The following TGIF1 variants were observed in gnomAD, a reference collection of about 807,000 sequenced individuals.
The protein encoded by TGIF1 is homeobox protein TGIF1.
TGIF1 carries 4 observed loss-of-function variants against 19.3 expected under a neutral mutation model. That is an observed-to-expected ratio of 0.21 (90% CI 0.10 to 0.47). The LOEUF (loss-of-function observed/expected upper bound fraction) is 0.47, where lower values mean the gene tolerates loss of function less well. Among genes scored for constraint, TGIF1 ranks in the 20% least tolerant of loss-of-function variants. The pLI, the probability that TGIF1 is intolerant of heterozygous loss-of-function variation, is 0.98. For missense variants in TGIF1, 275 were observed against 341.4 expected, an observed-to-expected ratio of 0.81 and a Z score of 1.53; for synonymous variants, 122 against 129.3, an observed-to-expected ratio of 0.94 and a Z score of 0.38.
chr18:3,447,671 C>A, upstream of TGIF1: 1 of 1,583,562 alleles, frequency 6.3e-7, no homozygotes, highest in Non-Finnish European at 8.7e-7. Flanking sequence ...TGTAAGCTTT[C>A]GCTACATCAC....
intron 2 of TGIF1, among the ~76,000 whole-genome samples, chr18:3,419,929 C>T (rs4797116): frequency 0.64 from 96,972 of 151,710 alleles, 33,547 homozygotes; most frequent in Non-Finnish European, 0.76. Context: ...TCACTTGAAC[C>T]CGGGAGGCAG....
In TGIF1 at chr18:3,454,619, C is replaced by T. The variant is rs560262437; in HGVS notation, c.17-1735C>T. ...AAATTTCAATATAGGTTTTGAAAGT[C>T]TCATCTTGCCAATAGTGAAAGTAGT... On this transcript the variant is annotated intron_variant, in intron 1 of 2. Coordinates refer to ENST00000343820, the MANE Select transcript of TGIF1 (RefSeq NM_003244.4). Among the ~76,000 whole-genome samples, 3 of 152,248 alleles carry T rather than the reference C, an allele frequency of 2.0e-5. No homozygotes were observed. The East Asian group carries it at 5.8e-4, about 29-fold the overall frequency.
At chr18:3,426,105 G>A (rs1036595640) in intron 2 of TGIF1, among the ~76,000 whole-genome samples, 9 of 150,784 alleles carry the variant, frequency 6.0e-5, no homozygotes, top group African/African-American at 9.8e-5. Flanking sequence ...CCCCAACTTC[G>A]AATTTCCTGA....
intron 2 of TGIF1, among the ~76,000 whole-genome samples, chr18:3,419,650 G>A (rs2082375417): frequency 6.6e-6 from 1 of 152,148 alleles, no homozygotes; most frequent in South Asian, 2.1e-4. Flanking sequence ...TCCATCACTG[G>A]ACTACCCTTG....
At chr18:3,452,261 C>G in intron 1 of TGIF1, 1 of 1,609,528 alleles carries the variant, frequency 6.2e-7, no homozygotes, top group Non-Finnish European at 8.5e-7. Context: ...CGCGTGCCCT[C>G]TCCCCGGAGC....
intron 2 of TGIF1, among the ~76,000 whole-genome samples, chr18:3,424,151 AC>A (rs767868504): frequency 3.9e-5 from 6 of 152,222 alleles, no homozygotes; most frequent in Non-Finnish European, 8.8e-5. Flanking sequence ...ATGATCAAGT[AC>A]ATATCTCATT....
rs934899335 is a variant in TGIF1 at position 3,451,659 on chromosome 18, C to T, written c.16+1154C>T. The T allele has an allele frequency of 4.3e-6, 5 of 1,151,832 alleles. No homozygotes were observed. The highest frequency in any genetic ancestry group is 8.4e-5 in the East Asian group (2 of 23,776). 71.4% of individuals were successfully genotyped at this position (1,151,832 alleles called of 1,614,324 possible). ...GGTAGCCTCAAGGCCAGCGGGGTTC[C>T]TTCGGCTGCGTTTCTGTGGGAGGCC... On this transcript the variant is annotated intron_variant, in intron 1 of 2. Transcript: ENST00000343820. The surrounding 1 kb of genome is among the most constrained non-coding windows in gnomAD (Gnocchi z 5.4).
At chr18:3,430,148 G>T (rs1464681841) in intron 2 of TGIF1, among the ~76,000 whole-genome samples, 1 of 152,090 alleles carries the variant, frequency 6.6e-6, no homozygotes, top group African/African-American at 2.4e-5. Context: ...GAGTAAGACT[G>T]TCTCAACAAA....
intron 1 of TGIF1, chr18:3,455,929 G>A: frequency 3.6e-6 from 1 of 277,684 alleles, no homozygotes; most frequent in Non-Finnish European, 7.1e-6. Context: ...CATTAGGACT[G>A]GTTAGGTTGC....
chr18:3,449,889 G>A (rs1284032268), upstream of TGIF1: 6 of 985,728 alleles, frequency 6.1e-6, no homozygotes, highest in Non-Finnish European at 7.2e-6. Flanking sequence ...AAAGGCCCAA[G>A]GGAGAAACCT....
intron 1 of TGIF1, chr18:3,452,523 G>C: frequency 7.8e-7 from 1 of 1,283,250 alleles, no homozygotes; most frequent in Non-Finnish European, 1.1e-6. Context: ...GAGAAGGTGG[G>C]ATTCACGGCC....
Position 3,457,353 on chromosome 18 carries a change from A to G in TGIF1, c.244-12A>G, listed in dbSNP as rs757885266. The G allele has an allele frequency of 6.0e-5, 97 of 1,614,016 alleles. No individual in the cohort carries two copies. Among genetic ancestry groups the G allele is most frequent in the Non-Finnish European group, 7.3e-5 (86 of 1,179,980 alleles). ...ATGAGGAAAATGTTAAAGCGTACCG[A>G]TATGATTTCAGGTCTGTAACTGGTT... is the stretch of plus-strand genomic sequence containing the variant. On this transcript the variant is annotated splice_polypyrimidine_tract_variant and intron_variant, in intron 2 of 2. Transcript: ENST00000343820. The surrounding 1 kb of genome is among the most constrained non-coding windows in gnomAD (Gnocchi z 4.9).
Position 3,451,443 on chromosome 18 carries a change from G to GT in TGIF1, c.16+939dup. 3 of 986,980 alleles carry GT rather than the reference G, an allele frequency of 3.0e-6. No individual in the cohort carries two copies. The Middle Eastern group carries it at 1.6e-3, about 515-fold the overall frequency. The allele number at this position is 986,980 out of a possible 1,614,324, so 61.1% of individuals were successfully genotyped here. A position where few individuals can be genotyped will look rare whatever the true frequency, so the allele number is the denominator to read the frequency against. ...CAAAAATTGAGTCCCTGGCTGGGAG[G>GT]TCCCCCGAGTGTTCCGCTGTGGGCT... On this transcript the variant is annotated intron_variant, in intron 1 of 2. Coordinates refer to ENST00000343820, the MANE Select transcript of TGIF1 (RefSeq NM_003244.4). The surrounding 1 kb of genome is among the most constrained non-coding windows in gnomAD (Gnocchi z 5.4).
At chr18:3,416,313 A>T (rs1238669742) in intron 1 of TGIF1, among the ~76,000 whole-genome samples, 3 of 151,756 alleles carry the variant, frequency 2.0e-5, no homozygotes, top group Non-Finnish European at 4.4e-5. Context: ...TGAGGTCAGG[A>T]GTTTGAGACC....
chr18:3,436,330 A>G (rs1202443058), intron 2 of TGIF1, among the ~76,000 whole-genome samples: 1 of 152,252 alleles, frequency 6.6e-6, no homozygotes, highest in Non-Finnish European at 1.5e-5. Context: ...CCATAATCCC[A>G]CAACTTGGGC....
upstream of TGIF1, chr18:3,448,130 A>T (rs1255795281): frequency 3.4e-5 from 33 of 984,738 alleles, no homozygotes; most frequent in Non-Finnish European, 3.9e-5. Context: ...TGGCTTCGAA[A>T]GCGGCCGAGG....
At chr18:3,445,568 C>G (rs2082730199), upstream of TGIF1, among the ~76,000 whole-genome samples, 1 of 150,582 alleles carries the variant, frequency 6.6e-6, no homozygotes, top group Non-Finnish European at 1.5e-5. Context: ...ACTAAAAACA[C>G]AAAAAATTAG....
chr18:3,456,926 C>G lies in TGIF1; in HGVS notation c.243+346C>G. ...GTAATTCATGTTATGTCTGTTGACA[C>G]AGTCATTTGAACTGGGAAAAATCAG... is the stretch of plus-strand genomic sequence containing the variant. On this transcript the variant is annotated intron_variant, in intron 2 of 2. Coordinates refer to ENST00000343820, the MANE Select transcript of TGIF1 (RefSeq NM_003244.4). The surrounding 1 kb of genome is among the most constrained non-coding windows in gnomAD (Gnocchi z 4.2). 1.7e-6 allele frequency: 1 copy of G among 591,494 alleles called. No homozygotes were observed. Among genetic ancestry groups the G allele is most frequent in the East Asian group, 2.8e-5 (1 of 35,722 alleles). The allele number at this position is 591,494 out of a possible 1,614,324, so 36.6% of individuals were successfully genotyped here.
In TGIF1 at chr18:3,450,525, C is replaced by T. The variant is rs1241274430; in HGVS notation, c.16+20C>T. The T allele has an allele frequency of 1.3e-6, 2 of 1,559,194 alleles. No individual in the cohort carries two copies. The highest frequency in any genetic ancestry group is 1.7e-6 in the Non-Finnish European group (2 of 1,151,984). ...AGAAAGGTAAGGCGGCCGCGGGCTG[C>T]GCGCACCAGAAGACGCGAGTCCGGG... is the stretch of plus-strand genomic sequence containing the variant. On this transcript the variant is annotated intron_variant, in intron 1 of 2. Coordinates refer to ENST00000343820, the MANE Select transcript of TGIF1 (RefSeq NM_003244.4).
Sources: gnomAD v4.1 joint callset for allele counts (sites outside exome capture counted in the v4.1 genomes callset) on GRCh38, gnomAD v4.1.1 for gene constraint, Gnocchi (gnomAD v3.1) non-coding constraint, MANE v1.5 for transcripts, NCBI Gene and HGNC (gene_info 2026-07-23, HGNC 2026-07-21) for gene names.